The following THAP8 variants were observed in gnomAD, a reference collection of about 807,000 sequenced individuals.
The protein encoded by THAP8 is THAP domain-containing protein 8.
THAP8 carries 24 observed loss-of-function variants against 25.0 expected under a neutral mutation model. The observed-to-expected ratio is 0.96, with a 90% CI of 0.69 to 1.35. THAP8 has a LOEUF of 1.35. Ranked by LOEUF, THAP8 falls within the 40% of genes most tolerant of loss-of-function variation. The pLI is 0.00. For synonymous variants in THAP8, 169 were observed against 157.6 expected (o/e 1.07, Z -0.54); for missense variants, 399 against 368.8 (o/e 1.08, Z -0.67).
chr19:36,054,319 A>T, upstream of THAP8: 1 of 1,383,806 alleles, frequency 7.2e-7, no homozygotes, highest in Non-Finnish European at 9.9e-7. Context: ...CGCCTGCCTC[A>T]CGTGACGTCC....
chr19:36,047,518 C>T (rs868532365), intron 1 of THAP8, among the ~76,000 whole-genome samples: 3 of 152,134 alleles, frequency 2.0e-5, no homozygotes. Flanking sequence ...AAGCCACAGG[C>T]TAAGGATGAC....
chr19:36,044,502 T>G (rs1366979351), intron 1 of THAP8, among the ~76,000 whole-genome samples: 1 of 151,816 alleles, frequency 6.6e-6, no homozygotes, highest in Non-Finnish European at 1.5e-5. Flanking sequence ...TTCTTTCTTT[T>G]TTTTTGAGAC....
intron 3 of THAP8, among the ~76,000 whole-genome samples, chr19:36,038,425 T>C (rs927870745): frequency 6.6e-6 from 1 of 151,802 alleles, no homozygotes; most frequent in African/African-American, 2.4e-5. Context: ...CAATGCTAAT[T>C]TTTGTGTTTT....
chr19:36,048,004 T>C (rs1036193414), intron 1 of THAP8, among the ~76,000 whole-genome samples: 3 of 152,102 alleles, frequency 2.0e-5, no homozygotes, highest in African/African-American at 7.2e-5. Context: ...GCCCACTCCA[T>C]TGACTTGAGG....
At position 36,039,728 on chromosome 19, in the gene THAP8, A is replaced by C; in HGVS notation, c.277-10T>G. 6.6e-7 allele frequency: 1 copy of C among 1,510,444 alleles called. No homozygotes were observed. Among genetic ancestry groups the C allele is most frequent in the Non-Finnish European group, 8.9e-7 (1 of 1,129,150 alleles). 93.6% of individuals were successfully genotyped at this position (1,510,444 alleles called of 1,614,324 possible). A position where few individuals can be genotyped will look rare whatever the true frequency, so the allele number is the denominator to read the frequency against. On this transcript the variant is annotated splice_polypyrimidine_tract_variant and intron_variant, in intron 2 of 3. Transcript: ENST00000292894. ...GGGTCCTCCGCTGACTCTGGAAGAC[A>C]AGGCATGGGGTGCAGGGGTGCCGTG...
intron 1 of THAP8, among the ~76,000 whole-genome samples, chr19:36,047,525 T>C (rs752526179): frequency 2.0e-5 from 3 of 152,036 alleles, no homozygotes; most frequent in Admixed American, 6.6e-5. Context: ...AGGCTAAGGA[T>C]GACAGAGCAG....
chr19:36,045,847 C>A (rs1002927692), intron 1 of THAP8: 2 of 456,722 alleles, frequency 4.4e-6, no homozygotes, highest in Non-Finnish European at 8.8e-6. Context: ...GAGTACAGCC[C>A]TGCCGACACC....
chr19:36,036,068 C>T (rs1326154111), intron 3 of THAP8, among the ~76,000 whole-genome samples: 1 of 151,938 alleles, frequency 6.6e-6, no homozygotes, highest in East Asian at 1.9e-4. Context: ...AGGCAGTCAG[C>T]TCAGGGGATC....
At chr19:36,044,553 G>T (rs373173293) in intron 1 of THAP8, among the ~76,000 whole-genome samples, 1 of 152,034 alleles carries the variant, frequency 6.6e-6, no homozygotes, top group African/African-American at 2.4e-5. Flanking sequence ...GCAGAGGCAC[G>T]ATCATGGCTC....
At chr19:36,054,325 C>T, upstream of THAP8, 2 of 1,347,196 alleles carry the variant, frequency 1.5e-6, no homozygotes, top group East Asian at 2.5e-5. Context: ...CCTCACGTGA[C>T]GTCCGTGGAG....
At position 36,049,005 on chromosome 19, in the gene THAP8, T is replaced by TA. The variant is rs201921297; in HGVS notation, c.83+5129dup. Among the ~76,000 whole-genome samples the TA allele has an allele frequency of 7.2e-3, 1,094 of 152,034 alleles. 17 individuals are homozygous for TA. Among genetic ancestry groups the TA allele is most frequent in the African/African-American group, 0.026 (1,062 of 41,424 alleles). The stretch of plus-strand genomic sequence containing the variant: ...CAGGACTTTGTTACTACCAAGCAGA[T>TA]ACAATTCTAAGTGATAGGTCCCCCA... On this transcript the variant is annotated intron_variant, in intron 1 of 3. Transcript: ENST00000292894.
At chr19:36,037,784 C>T (rs1387109858) in intron 3 of THAP8, among the ~76,000 whole-genome samples, 3 of 151,694 alleles carry the variant, frequency 2.0e-5, no homozygotes, top group Admixed American at 6.6e-5. Flanking sequence ...GGATTACAGA[C>T]GTGTGCCACC....
intron 1 of THAP8, among the ~76,000 whole-genome samples, chr19:36,046,878 C>T (rs1037797904): frequency 6.6e-6 from 1 of 152,114 alleles, no homozygotes; most frequent in Non-Finnish European, 1.5e-5. Context: ...TACCTTCTGG[C>T]CAAGGAATGC....
chr19:36,054,401 A>C (rs1012252225), upstream of THAP8: 2 of 667,902 alleles, frequency 3.0e-6, no homozygotes, highest in African/African-American at 1.8e-5. Context: ...ACAGTGCCAC[A>C]GTCCCGCCCT....
chr19:36,045,952 C>T (rs1226207983), intron 1 of THAP8: 1 of 451,494 alleles, frequency 2.2e-6, no homozygotes, highest in Admixed American at 2.4e-5. Flanking sequence ...TTTGTTAGAG[C>T]AGCATGGGAA....
chr19:36,050,994 G>A (rs1017308861), intron 1 of THAP8, among the ~76,000 whole-genome samples: 1 of 152,154 alleles, frequency 6.6e-6, no homozygotes. Flanking sequence ...GACAAAGAAA[G>A]ACAAAACCTC....
intron 1 of THAP8, among the ~76,000 whole-genome samples, chr19:36,043,866 C>T (rs1405389598): frequency 1.3e-5 from 2 of 151,886 alleles, no homozygotes; most frequent in African/African-American, 2.4e-5. Flanking sequence ...ACAACCTGGG[C>T]GACAGAGCAA....
intron 3 of THAP8, among the ~76,000 whole-genome samples, chr19:36,037,717 G>A (rs750213439): frequency 3.3e-5 from 5 of 152,168 alleles, no homozygotes; most frequent in Non-Finnish European, 5.9e-5. Context: ...TCGGCTCACT[G>A]CAACCTCTGC....
intron 1 of THAP8, among the ~76,000 whole-genome samples, chr19:36,042,841 A>G (rs972397963): frequency 3.9e-5 from 6 of 152,106 alleles, no homozygotes; most frequent in Non-Finnish European, 8.8e-5. Context: ...ATCTCGGCAC[A>G]CTGCAATCTC....
Sources: allele counts gnomAD v4.1 joint callset (sites outside exome capture counted in the v4.1 genomes callset), GRCh38; gene constraint gnomAD v4.1.1; transcripts MANE v1.5; gene names NCBI Gene and HGNC (gene_info 2026-07-23, HGNC 2026-07-21).